The following PRSS23 variants were observed in gnomAD, a reference collection of about 807,000 sequenced individuals.
PRSS23 encodes protease, serine 23.
A neutral mutation model predicts 34.7 loss-of-function variants in PRSS23; 25 were observed. The ratio of observed to expected loss-of-function variants is 0.72; its 90% CI spans 0.53 to 1.01. The LOEUF (loss-of-function observed/expected upper bound fraction) is 1.01. Ranked by LOEUF, PRSS23 falls within the 50% of genes least tolerant of loss-of-function variation. PRSS23 has a pLI of 0.00. For synonymous variants in PRSS23, 176 were observed against 186.6 expected, an observed-to-expected ratio of 0.94 and a Z score of 0.46; for missense variants, 445 against 475.6, an observed-to-expected ratio of 0.94 and a Z score of 0.60.
intron 2 of PRSS23, among the ~76,000 whole-genome samples, chr11:86,898,410 CTAAA>C (rs1212412527): frequency 6.6e-6 from 1 of 152,144 alleles, no homozygotes; most frequent in African/African-American, 2.4e-5. Flanking sequence ...TATAAGGATG[CTAAA>C]TATTAATGTT....
chr11:86,939,433 A>AAAAAAT (rs1565392858), intron 2 of PRSS23, among the ~76,000 whole-genome samples: 2 of 48,122 alleles, frequency 4.2e-5, no homozygotes, highest in Non-Finnish European at 1.2e-4. Flanking sequence ...TATATTTTTT[A>AAAAAAT]ACATGAGTAA....
intron 2 of PRSS23, among the ~76,000 whole-genome samples, chr11:86,915,582 A>AAT (rs1396543391): frequency 6.7e-6 from 1 of 148,202 alleles, no homozygotes; most frequent in Non-Finnish European, 1.5e-5. Flanking sequence ...GTATATAAGT[A>AAT]ATATATATAT....
chr11:86,814,804 G>A (rs555818280), downstream of PRSS23, among the ~76,000 whole-genome samples: 2 of 152,304 alleles, frequency 1.3e-5, no homozygotes, highest in South Asian at 4.1e-4. Context: ...CATCAATGGG[G>A]TGGTGCAGAC....
chr11:86,830,441 TC>T (rs1948344455), intron 2 of PRSS23, among the ~76,000 whole-genome samples: 2 of 152,170 alleles, frequency 1.3e-5, no homozygotes, highest in South Asian at 4.1e-4. Context: ...CCTTTGCGCT[TC>T]CCAAGTGAGG....
rs73520766 is a variant in PRSS23, at chr11:86,818,265, C to G, written c.-11-5112C>G. 7.7e-3 allele frequency among the ~76,000 whole-genome samples: 1,171 copies of G among 152,148 alleles called. 19 individuals carry two copies. Among genetic ancestry groups the G allele is most frequent in the African/African-American group, 0.027 (1,106 of 41,488 alleles). ...ATTTGATTCATTTATACATGCTAAC[C>G]AAATATTTTCAGATTTCCTTTATGC... On this transcript the variant is annotated intron_variant, in intron 1 of 2. Transcript: ENST00000533902.
At chr11:86,831,533 A>G (rs1948355753) in intron 2 of PRSS23, among the ~76,000 whole-genome samples, 1 of 151,950 alleles carries the variant, frequency 6.6e-6, no homozygotes, top group Admixed American at 6.5e-5. Flanking sequence ...GTAATAGCCT[A>G]TAGAAATGTT....
At chr11:86,927,130 G>T (rs1384380063) in intron 2 of PRSS23, among the ~76,000 whole-genome samples, 3 of 152,122 alleles carry the variant, frequency 2.0e-5, no homozygotes, top group African/African-American at 7.2e-5. Flanking sequence ...GTCCACCATG[G>T]GTCCAATCAG....
chr11:86,917,387 C>G (rs576655046), intron 2 of PRSS23, among the ~76,000 whole-genome samples: 3 of 152,166 alleles, frequency 2.0e-5, no homozygotes, highest in Non-Finnish European at 4.4e-5. Flanking sequence ...TTAAGGCAAA[C>G]ATAGGGAAAT....
downstream of PRSS23, among the ~76,000 whole-genome samples, chr11:86,813,951 A>G (rs903390348): frequency 2.0e-5 from 3 of 152,234 alleles, no homozygotes; most frequent in Non-Finnish European, 4.4e-5. Context: ...AAGAGTATAT[A>G]TTTGAAAGTA....
At chr11:86,839,577 A>T (rs1419266826) in intron 2 of PRSS23, among the ~76,000 whole-genome samples, 1 of 152,142 alleles carries the variant, frequency 6.6e-6, no homozygotes, top group Non-Finnish European at 1.5e-5. Context: ...GCAGGCCAAC[A>T]TTCAAATTCA....
chr11:86,925,075 C>T (rs538990107), intron 2 of PRSS23: 3 of 152,276 alleles, frequency 2.0e-5, no homozygotes, highest in South Asian at 2.1e-4. Context: ...GCTTGATCAC[C>T]CCAGACATCA....
chr11:86,894,510 CAT>C (rs1180827104), intron 2 of PRSS23, among the ~76,000 whole-genome samples: 2 of 152,160 alleles, frequency 1.3e-5, no homozygotes, highest in African/African-American at 4.8e-5. Context: ...TATATAATCA[CAT>C]GAGAGTAAGT....
chr11:86,821,556 C>A (rs1313900232), intron 1 of PRSS23: 27 of 1,610,866 alleles, frequency 1.7e-5, no homozygotes, highest in Non-Finnish European at 2.2e-5. Flanking sequence ...GGATGGCATT[C>A]ACTCTGAAGT....
chr11:86,928,292 A>G (rs1404541343), intron 2 of PRSS23, among the ~76,000 whole-genome samples: 1 of 148,334 alleles, frequency 6.7e-6, no homozygotes, highest in African/African-American at 2.5e-5. Context: ...TTACATTAAC[A>G]TAAATATACT....
intron 2 of PRSS23, chr11:86,933,637 T>C (rs1260044597): frequency 1.3e-5 from 2 of 152,222 alleles, no homozygotes; most frequent in East Asian, 3.9e-4. Flanking sequence ...GATAATATTA[T>C]AGGGAGGGAG....
chr11:86,952,233 T>C (rs1249654294), exon 3 of PRSS23: 7 of 1,613,988 alleles, frequency 4.3e-6, no homozygotes, highest in Non-Finnish European at 5.9e-6. Flanking sequence ...CCAGGCTGGA[T>C]GGGGGTTTTG....
At position 86,951,815 on chromosome 11, in the gene PRSS23, A is replaced by G. The variant is rs1949294874; in HGVS notation, c.*530A>G. ...AATAACCCACCAAATGGAGCTGGCC[A>G]TTCCAAAAAAGTACATCAGCAAGAA... On this transcript the variant is annotated 3_prime_UTR_variant, in exon 3 of 3. Transcript: ENST00000533902. 4 of 1,614,064 alleles carry G rather than the reference A, an allele frequency of 2.5e-6. No individual in the cohort carries two copies. In the Middle Eastern group the frequency reaches 4.9e-4, roughly 200 times the overall value.
downstream of PRSS23, among the ~76,000 whole-genome samples, chr11:86,813,851 A>G (rs1948197067): frequency 6.6e-6 from 1 of 152,258 alleles, no homozygotes. Flanking sequence ...GATTTTAGGC[A>G]GTGGCAATGG....
chr11:86,924,190 A>G (rs1949065223), intron 2 of PRSS23, among the ~76,000 whole-genome samples: 1 of 152,186 alleles, frequency 6.6e-6, no homozygotes, highest in Admixed American at 6.5e-5. Context: ...AACATTGACC[A>G]GTTCTAATTT....
Sources: allele counts gnomAD v4.1 joint callset (sites outside exome capture counted in the v4.1 genomes callset), GRCh38; gene constraint gnomAD v4.1.1; transcripts MANE v1.5; gene names NCBI Gene and HGNC (gene_info 2026-07-23, HGNC 2026-07-21).